Variants in NR2F1-AS1 observed in about 807,000 individuals in gnomAD.
NR2F1-AS1 encodes the protein NR2F1 regulatory antisense RNA 1.
chr5:93,572,050 T>C (rs1464409037), intron 1 of NR2F1-AS1, among the ~76,000 whole-genome samples: 1 of 150,820 alleles, frequency 6.6e-6, no homozygotes, highest in Non-Finnish European at 1.5e-5. Context: ...GCGCAGGGGT[T>C]CCTCTGACCG....
intron 4 of NR2F1-AS1, among the ~76,000 whole-genome samples, chr5:93,481,579 C>A (rs1750600917): frequency 6.6e-6 from 1 of 152,030 alleles, no homozygotes; most frequent in African/African-American, 2.4e-5. Context: ...ATATACAGAA[C>A]ACTCTACCAA....
chr5:93,554,877 G>A (rs1752317985), exon 3 of NR2F1-AS1: 1 of 152,198 alleles, frequency 6.6e-6, no homozygotes, highest in Middle Eastern at 3.4e-3. Flanking sequence ...CACCTACCAC[G>A]GCATGGTAGC....
intron 4 of NR2F1-AS1, among the ~76,000 whole-genome samples, chr5:93,538,964 G>A (rs1751894892): frequency 1.3e-5 from 2 of 152,120 alleles, no homozygotes; most frequent in Admixed American, 1.3e-4. Context: ...TATATCCAAA[G>A]GAAAGCAAAT....
chr5:93,418,080 C>A (rs771238422), intron 4 of NR2F1-AS1, among the ~76,000 whole-genome samples: 7 of 152,122 alleles, frequency 4.6e-5, no homozygotes, highest in Non-Finnish European at 1.0e-4. Flanking sequence ...GCAAAGCAAT[C>A]CAGGTAAAGG....
At chr5:93,461,685 TTTTA>T (rs1195005458) in intron 4 of NR2F1-AS1, among the ~76,000 whole-genome samples, 5 of 152,204 alleles carry the variant, frequency 3.3e-5, no homozygotes, top group East Asian at 1.9e-4. Context: ...AAGCATTTTA[TTTTA>T]TTTATTTTTT....
At chr5:93,576,088 CAG>C (rs1306091337) in intron 1 of NR2F1-AS1, among the ~76,000 whole-genome samples, 1 of 152,160 alleles carries the variant, frequency 6.6e-6, no homozygotes, top group African/African-American at 2.4e-5. Context: ...GTTGCTGATC[CAG>C]AGAGAAAATA....
At chr5:93,574,577 G>A (rs1047516432) in intron 1 of NR2F1-AS1, among the ~76,000 whole-genome samples, 16 of 151,942 alleles carry the variant, frequency 1.1e-4, no homozygotes, top group Non-Finnish European at 2.9e-5. Flanking sequence ...AGTGATTCGT[G>A]GAAAGAAAAG....
intron 4 of NR2F1-AS1, among the ~76,000 whole-genome samples, chr5:93,533,018 C>T (rs1180659231): frequency 2.0e-5 from 3 of 152,136 alleles, no homozygotes; most frequent in Non-Finnish European, 4.4e-5. Flanking sequence ...ATCACACGAT[C>T]TTTTAGTTAT....
At chr5:93,529,485 C>T (rs943599540) in intron 4 of NR2F1-AS1, among the ~76,000 whole-genome samples, 9 of 152,142 alleles carry the variant, frequency 5.9e-5, no homozygotes, top group South Asian at 2.1e-4. Context: ...CTTCCCCTCC[C>T]GCTGCCTTAA....
chr5:93,499,396 T>G (rs1479188574), intron 4 of NR2F1-AS1, among the ~76,000 whole-genome samples: 2 of 152,182 alleles, frequency 1.3e-5, no homozygotes, highest in Non-Finnish European at 1.5e-5. Context: ...TCACTTTGTG[T>G]CTCTGGGTCA....
intron 4 of NR2F1-AS1, among the ~76,000 whole-genome samples, chr5:93,463,405 G>C (rs1750144964): frequency 6.6e-6 from 1 of 152,212 alleles, no homozygotes; most frequent in African/African-American, 2.4e-5. Flanking sequence ...GAAGTTTGCT[G>C]TGAGGTGGGG....
At chr5:93,571,347 C>G (rs1293127642) in intron 1 of NR2F1-AS1, 1 of 151,366 alleles carries the variant, frequency 6.6e-6, no homozygotes, top group African/African-American at 2.4e-5. Flanking sequence ...GAGCTCAGCT[C>G]TCAGTCCTTC....
Position 93,424,919 on chromosome 5 carries a change from G to C in NR2F1-AS1, n.639-29377C>G, listed in dbSNP as rs183922916. 4.6e-5 allele frequency among the ~76,000 whole-genome samples: 7 copies of C among 152,226 alleles called. No homozygotes were observed. In the East Asian group the frequency reaches 1.4e-3, roughly 29 times the overall value. On this transcript the variant is annotated intron_variant and non_coding_transcript_variant, in intron 4 of 5. Coordinates refer to ENST00000660523, the Ensembl canonical transcript of NR2F1-AS1. ...ATGAATCAATGATGTTGGGAAGCTTGGTACTAGAAAGTAGGTCTAAACTCC... is the reference window on the plus strand; with the variant it reads ...ATGAATCAATGATGTTGGGAAGCTTCGTACTAGAAAGTAGGTCTAAACTCC...
At chr5:93,434,490 T>G (rs1749393324) in intron 4 of NR2F1-AS1, among the ~76,000 whole-genome samples, 1 of 152,176 alleles carries the variant, frequency 6.6e-6, no homozygotes, top group African/African-American at 2.4e-5. Context: ...ATGTATAACT[T>G]TTTTCTCTAA....
chr5:93,530,847 C>G (rs62369942), intron 4 of NR2F1-AS1, among the ~76,000 whole-genome samples: 21,432 of 151,866 alleles, frequency 0.14, 1,878 homozygotes, highest in Admixed American at 0.24. Flanking sequence ...AAGAAAACAG[C>G]TTAGAAAGAC....
intron 1 of NR2F1-AS1, among the ~76,000 whole-genome samples, chr5:93,567,104 C>G (rs557444066): frequency 5.3e-5 from 8 of 152,014 alleles, no homozygotes; most frequent in Non-Finnish European, 1.0e-4. Context: ...TTCTAAAATT[C>G]TTTGGGCAAA....
chr5:93,460,112 T>A (rs1750056755), intron 4 of NR2F1-AS1, among the ~76,000 whole-genome samples: 2 of 151,964 alleles, frequency 1.3e-5, no homozygotes, highest in East Asian at 1.9e-4. Context: ...AAAAAAAAAA[T>A]TTCTCACCCT....
At chr5:93,561,784 C>A (rs1204148815) in intron 2 of NR2F1-AS1, among the ~76,000 whole-genome samples, 2 of 151,744 alleles carry the variant, frequency 1.3e-5, no homozygotes, top group African/African-American at 4.8e-5. Context: ...AAAAACAAAA[C>A]AAATTTTATA....
upstream of NR2F1-AS1, chr5:93,585,386 A>C: frequency 6.2e-7 from 1 of 1,614,042 alleles, no homozygotes; most frequent in Non-Finnish European, 8.5e-7. Context: ...TAACTTACAC[A>C]TGCCGTGCCA....
Sources: allele counts gnomAD v4.1 joint callset (sites outside exome capture counted in the v4.1 genomes callset), GRCh38; gene constraint gnomAD v4.1.1; transcripts MANE v1.5; gene names NCBI Gene and HGNC (gene_info 2026-07-23, HGNC 2026-07-21).